The following RYR3 variants were observed in gnomAD, a reference collection of about 807,000 sequenced individuals.
RYR3 encodes ryanodine receptor 3, also known as brain ryanodine receptor-calcium release channel.
Under a neutral mutation model 584.3 loss-of-function variants are expected in RYR3, and 207 were observed. The observed-to-expected ratio is 0.35, with a 90% CI of 0.32 to 0.40. RYR3 has a LOEUF of 0.40. Among genes scored for constraint, RYR3 ranks in the 10% least tolerant of loss-of-function variants. The probability of loss-of-function intolerance (pLI) is 1.00; values close to 1 mark genes in which losing one functional copy is unlikely to be tolerated. For synonymous variants in RYR3, 2,416 were observed against 2,248.5 expected (o/e 1.07, Z -2.11); for missense variants, 5,616 against 6,089.2 (o/e 0.92, Z 2.59).
intron 21 of RYR3, 44 bp downstream of exon 21, chr15:33,628,619 T>C: frequency 8.0e-7 from 1 of 1,252,158 alleles, no homozygotes; most frequent in Non-Finnish European, 1.2e-6. Context: ...TGGGATTGCC[T>C]TGTTGCCTGG....
At chr15:33,429,409 C>G (rs1011818414) in intron 1 of RYR3, among the ~76,000 whole-genome samples, 1 of 152,218 alleles carries the variant, frequency 6.6e-6, no homozygotes, top group Admixed American at 6.5e-5. Flanking sequence ...TCAGCCTCTT[C>G]TGAGAAAGAT....
intron 62 of RYR3, among the ~76,000 whole-genome samples, chr15:33,771,597 G>C (rs12591583): frequency 0.39 from 58,970 of 151,938 alleles, 11,610 homozygotes; most frequent in South Asian, 0.5. Flanking sequence ...CTTTTAACTA[G>C]ATCTTTACAG....
At chr15:33,313,845 T>C (rs1350976806) in intron 1 of RYR3, among the ~76,000 whole-genome samples, 4 of 152,318 alleles carry the variant, frequency 2.6e-5, no homozygotes, top group African/African-American at 9.6e-5. Context: ...ACAATAGCAT[T>C]ATGCCAAGGA....
At chr15:33,794,120 AATATATATTT>A (rs1567184321) in intron 67 of RYR3, among the ~76,000 whole-genome samples, 8 of 125,480 alleles carry the variant, frequency 6.4e-5, no homozygotes, top group South Asian at 2.3e-4. Flanking sequence ...AATATACATA[AATATATATTT>A]ATATATAATA....
At position 33,670,441 on chromosome 15, in the gene RYR3, A is replaced by G. The variant is rs753872926; in HGVS notation, c.5745A>G (p.Glu1915=). Residue 1915 remains glutamate, a synonymous_variant, in exon 38 of 104, where the codon GAA becomes GAG. Transcript: ENST00000634891. Reference sequence around the variant, plus strand: ...TAGGGGTTCCTTTGGAAGAAGAGGAAGAGGAGGAGGAGGACACCTCCTGGA... The same window carrying G: ...TAGGGGTTCCTTTGGAAGAAGAGGAGGAGGAGGAGGAGGACACCTCCTGGA... ...LHCGVPLEEE[E]EEEEDTSWTG... The G allele has an allele frequency of 1.1e-5, 17 of 1,613,784 alleles. No homozygotes were observed. Among genetic ancestry groups the G allele is most frequent in the Non-Finnish European group, 1.4e-5 (16 of 1,179,790 alleles).
At chr15:33,562,803 T>C in intron 10 of RYR3, 34 bp from the exon 11 acceptor site, 9 of 1,523,762 alleles carry the variant, frequency 5.9e-6, no homozygotes, top group Non-Finnish European at 8.2e-6. Flanking sequence ...TAATCAGCTA[T>C]GCCTATGTTT....
At chr15:33,721,509 T>C (rs2067908729) in intron 43 of RYR3, among the ~76,000 whole-genome samples, 1 of 152,232 alleles carries the variant, frequency 6.6e-6, no homozygotes, top group African/African-American at 2.4e-5. Context: ...ACCTCGATTA[T>C]CGCTCAGTTC....
chr15:33,837,525 C>CTAATTTG, intron 88 of RYR3, 106 bp from the exon 89 acceptor site: 1 of 1,233,292 alleles, frequency 8.1e-7, no homozygotes, highest in Non-Finnish European at 1.1e-6. Flanking sequence ...CAGAGAAGAG[C>CTAATTTG]TGACTAATTT....
intron 1 of RYR3, among the ~76,000 whole-genome samples, chr15:33,319,019 G>A (rs946165307): frequency 6.6e-6 from 1 of 152,180 alleles, no homozygotes; most frequent in African/African-American, 2.4e-5. Context: ...TCCCCTAACA[G>A]AGCAAATAGA....
intron 1 of RYR3, among the ~76,000 whole-genome samples, chr15:33,356,091 A>AGT (rs1456776329): frequency 3.3e-5 from 5 of 152,146 alleles, no homozygotes; most frequent in African/African-American, 1.2e-4. Context: ...TAGATTTGTG[A>AGT]ATCATGCATA....
In RYR3 at chr15:33,773,540, A is replaced by T; in HGVS notation, c.9062A>T (p.Asp3021Val). The T allele has an allele frequency of 6.2e-7, 1 of 1,604,440 alleles. No homozygotes were observed. ...HQFGMDLLLGDVQISCYHILC... is the reference protein window; with the variant it reads ...HQFGMDLLLGVVQISCYHILC... ...TATTTCTTCTTTGTTTCAGTGGGTG[A>T]TGTGCAGATTTCATGCTACCACATA... Residue 3021 changes from aspartate to valine, a missense_variant, in exon 64 of 104, where the codon GAT becomes GTT. Coordinates refer to ENST00000634891, the MANE Select transcript of RYR3 (RefSeq NM_001036.6).
intron 1 of RYR3, among the ~76,000 whole-genome samples, chr15:33,424,279 A>G (rs2044445780): frequency 1.3e-5 from 2 of 152,162 alleles, no homozygotes; most frequent in African/African-American, 2.4e-5. Flanking sequence ...TGCCTACCCA[A>G]CAGGGCTATT....
intron 10 of RYR3, among the ~76,000 whole-genome samples, chr15:33,558,099 A>G (rs2057189372): frequency 1.5e-5 from 2 of 129,706 alleles, no homozygotes; most frequent in African/African-American, 2.7e-5. Context: ...TTTTAAATTT[A>G]TTTGTTTTTT....
chr15:33,789,448 G>A (rs2152915176), intron 67 of RYR3, among the ~76,000 whole-genome samples: 1 of 150,972 alleles, frequency 6.6e-6, no homozygotes, highest in Non-Finnish European at 1.5e-5. Flanking sequence ...CAGTGTCAGG[G>A]GTGGGAGAGA....
intron 54 of RYR3, 64 bp from the exon 55 acceptor site, chr15:33,748,403 TG>T: frequency 6.4e-7 from 1 of 1,557,564 alleles, no homozygotes; most frequent in Non-Finnish European, 8.8e-7. Context: ...CAGCTGAAGT[TG>T]GGGATGCCTG....
chr15:33,504,869 C>T (rs902628978), intron 3 of RYR3, among the ~76,000 whole-genome samples: 1 of 152,224 alleles, frequency 6.6e-6, no homozygotes, highest in African/African-American at 2.4e-5. Context: ...TCCTCTCTCA[C>T]TTCCCTTATG....
chr15:33,574,671 A>G (rs963869234), intron 12 of RYR3, among the ~76,000 whole-genome samples: 24 of 152,166 alleles, frequency 1.6e-4, no homozygotes, highest in African/African-American at 5.6e-4. Flanking sequence ...GAACTTTTTG[A>G]GTCTTTGGGC....
chr15:33,521,970 A>G (rs2054017164), intron 3 of RYR3, among the ~76,000 whole-genome samples: 1 of 151,662 alleles, frequency 6.6e-6, no homozygotes, highest in Admixed American at 6.6e-5. Context: ...ATTCTATTTG[A>G]TGGCCAGATG....
chr15:33,546,498 T>G (rs2056249513), intron 8 of RYR3, among the ~76,000 whole-genome samples: 1 of 152,174 alleles, frequency 6.6e-6, no homozygotes, highest in Admixed American at 6.5e-5. Flanking sequence ...GATTGAGAAA[T>G]AGCCTCTGTA....
Sources: gnomAD v4.1 joint callset for allele counts (sites outside exome capture counted in the v4.1 genomes callset) on GRCh38, gnomAD v4.1.1 for gene constraint, MANE v1.5 for transcripts, NCBI Gene and HGNC (gene_info 2026-07-23, HGNC 2026-07-21) for gene names.